Variants in ANKRD11 observed in about 807,000 individuals in gnomAD.
ANKRD11 encodes ankyrin repeat domain 11.
In ANKRD11, 17 loss-of-function variants were observed where a neutral mutation model predicts 195.7. The ratio of observed to expected loss-of-function variants is 0.09; its 90% CI spans 0.06 to 0.13. The LOEUF (loss-of-function observed/expected upper bound fraction) is 0.13. ANKRD11 is among the 10% of genes least tolerant of loss of function. ANKRD11 has a pLI of 1.00. For missense variants in ANKRD11, 3,735 were observed against 3,566.1 expected (o/e 1.05, Z -1.21); for synonymous variants, 1,953 against 1,528.1 (o/e 1.28, Z -6.49).
intron 1 of ANKRD11, among the ~76,000 whole-genome samples, chr16:89,468,056 G>A (rs555961400): frequency 6.6e-6 from 1 of 152,066 alleles, no homozygotes; most frequent in African/African-American, 2.4e-5. Flanking sequence ...TGCCCACCTC[G>A]GCCTCCCAAA....
intron 2 of ANKRD11, among the ~76,000 whole-genome samples, chr16:89,377,303 A>G (rs1044967432): frequency 1.3e-5 from 2 of 152,158 alleles, no homozygotes; most frequent in African/African-American, 4.8e-5. Context: ...AGTGTCTGGA[A>G]GATGACACCA....
At chr16:89,346,079 T>G (rs570895556) in intron 2 of ANKRD11, among the ~76,000 whole-genome samples, 2 of 149,872 alleles carry the variant, frequency 1.3e-5, no homozygotes, top group Admixed American at 6.6e-5. Flanking sequence ...CTGTCTCCAC[T>G]AACAACACAA....
At chr16:89,349,861 AACACAC>A (rs34592614) in intron 2 of ANKRD11, among the ~76,000 whole-genome samples, 8,491 of 133,088 alleles carry the variant, frequency 0.064, 254 homozygotes, top group Non-Finnish European at 0.073. Flanking sequence ...TACTTGTTAA[AACACAC>A]ACACACACAC....
Position 89,338,037 on chromosome 16 carries a change from C to A in ANKRD11, c.-59-20959G>T, listed in dbSNP as rs1429882717. 2.6e-5 allele frequency among the ~76,000 whole-genome samples: 4 copies of A among 152,182 alleles called. No homozygotes were observed. In the South Asian group the frequency reaches 6.2e-4, roughly 24 times the overall value. ...TCAGCTGGTGCCAGTATCATGGTGA[C>A]TCCCTACACACCAGGACCACTGTGT... On this transcript the variant is annotated intron_variant, in intron 2 of 12. Coordinates refer to ENST00000301030, the MANE Select transcript of ANKRD11 (RefSeq NM_013275.6).
chr16:89,368,571 T>C (rs1388086433), intron 2 of ANKRD11, among the ~76,000 whole-genome samples: 3 of 148,816 alleles, frequency 2.0e-5, no homozygotes, highest in Non-Finnish European at 4.4e-5. Flanking sequence ...AATTTCTTGC[T>C]CTAAGGGAAA....
intron 2 of ANKRD11, among the ~76,000 whole-genome samples, chr16:89,377,210 T>A (rs542526460): frequency 5.9e-5 from 9 of 151,932 alleles, no homozygotes; most frequent in African/African-American, 1.9e-4. Flanking sequence ...TAGATCGGGG[T>A]CATAGGACCT....
rs1024814809 is a variant in ANKRD11, at chr16:89,291,594, G to A, written c.227-411C>T. 6.1e-5 allele frequency: 64 copies of A among 1,056,502 alleles called. 1 individual carries two copies. The highest frequency in any genetic ancestry group is 1.7e-4 in the East Asian group (3 of 17,536). 65.4% of individuals were successfully genotyped at this position (1,056,502 alleles called of 1,614,324 possible). A position where few individuals can be genotyped will look rare whatever the true frequency, so the allele number is the denominator to read the frequency against. Reference sequence around the variant, plus strand: ...TCTGTAATTCAATTCCACCTTCCCCGTCCCTCCTCCAAACAGTGCAGATAT... The same window carrying A: ...TCTGTAATTCAATTCCACCTTCCCCATCCCTCCTCCAAACAGTGCAGATAT... On this transcript the variant is annotated intron_variant, in intron 4 of 12. Coordinates refer to ENST00000301030, the MANE Select transcript of ANKRD11 (RefSeq NM_013275.6). The surrounding 1 kb of genome is among the most constrained non-coding windows in gnomAD (Gnocchi z 5.3).
At chr16:89,379,229 T>C (rs1233308470) in intron 2 of ANKRD11, among the ~76,000 whole-genome samples, 3 of 152,260 alleles carry the variant, frequency 2.0e-5, no homozygotes, top group Non-Finnish European at 4.4e-5. Context: ...CGTCTGTATG[T>C]GCGTCACAGG....
chr16:89,377,109 G>A (rs1159478656), intron 2 of ANKRD11, among the ~76,000 whole-genome samples: 1 of 152,196 alleles, frequency 6.6e-6, no homozygotes, highest in Admixed American at 6.5e-5. Flanking sequence ...AATGAACAAT[G>A]CCCTTGGTCC....
At chr16:89,479,645 T>C (rs2152368918) in intron 1 of ANKRD11, among the ~76,000 whole-genome samples, 1 of 134,584 alleles carries the variant, frequency 7.4e-6, no homozygotes, top group East Asian at 2.3e-4. Context: ...CAAAAAAAAT[T>C]AAATTAAATT....
At chr16:89,487,153 A>G (rs1334354167) in intron 1 of ANKRD11, among the ~76,000 whole-genome samples, 5 of 152,254 alleles carry the variant, frequency 3.3e-5, no homozygotes, top group Non-Finnish European at 5.9e-5. Flanking sequence ...ATTCCCACAG[A>G]GCACTGACTA....
intron 2 of ANKRD11, among the ~76,000 whole-genome samples, chr16:89,402,169 G>C (rs2041720074): frequency 6.6e-6 from 1 of 152,168 alleles, no homozygotes; most frequent in Non-Finnish European, 1.5e-5. Flanking sequence ...AGAGTAAGGA[G>C]GACGACCTAC....
intron 1 of ANKRD11, among the ~76,000 whole-genome samples, chr16:89,458,579 G>A (rs1480849500): frequency 2.6e-5 from 4 of 152,124 alleles, no homozygotes; most frequent in Non-Finnish European, 4.4e-5. Flanking sequence ...ACTTTGCCAC[G>A]CTTTCACTCA....
chr16:89,371,656 C>G (rs1390410780), intron 2 of ANKRD11, among the ~76,000 whole-genome samples: 2 of 152,080 alleles, frequency 1.3e-5, no homozygotes. Context: ...GTGTGGAGGG[C>G]GATGCAGACT....
At chr16:89,418,438 C>A in intron 1 of ANKRD11, 70 bp from the exon 2 acceptor site, 1 of 407,634 alleles carries the variant, frequency 2.5e-6, no homozygotes, top group Non-Finnish European at 5.1e-6. Context: ...TCGCTCTCGT[C>A]TCCCTCCATT....
At position 89,302,235 on chromosome 16, in the gene ANKRD11, C is replaced by A. The variant is rs1415904973; in HGVS notation, c.226+2971G>T. Among the ~76,000 whole-genome samples the A allele has an allele frequency of 4.6e-5, 7 of 152,296 alleles. No individual in the cohort carries two copies. In the East Asian group the frequency reaches 1.4e-3, roughly 29 times the overall value. ...CCTCCCGGCCCAGGGTGGGGCTGAA[C>A]GCACTGGAGTTGGACTCGCTACTAT... On this transcript the variant is annotated intron_variant, in intron 4 of 12. Transcript: ENST00000301030.
At chr16:89,339,175 C>A (rs552726662) in intron 2 of ANKRD11, among the ~76,000 whole-genome samples, 1 of 152,364 alleles carries the variant, frequency 6.6e-6, no homozygotes, top group East Asian at 1.9e-4. Flanking sequence ...CTAGAAACTT[C>A]TTCCTGTGAT....
chr16:89,296,079 C>A (rs2035419208), intron 4 of ANKRD11, among the ~76,000 whole-genome samples: 1 of 148,140 alleles, frequency 6.8e-6, no homozygotes, highest in Non-Finnish European at 1.5e-5. Context: ...GCCTCCACCT[C>A]CCAGGCTCAA....
At chr16:89,310,240 CGCCTGTATGTGGCATGCAGGGTCT>C (rs1325863588) in intron 3 of ANKRD11, among the ~76,000 whole-genome samples, 1 of 152,114 alleles carries the variant, frequency 6.6e-6, no homozygotes, top group Non-Finnish European at 1.5e-5. Flanking sequence ...GTGCGGGGTC[CGCCTGTATGTGGCATGCAGGGTCT>C]GCCTGTGAGC....
Sources: gnomAD v4.1 joint callset for allele counts (sites outside exome capture counted in the v4.1 genomes callset) on GRCh38, gnomAD v4.1.1 for gene constraint, Gnocchi (gnomAD v3.1) non-coding constraint, MANE v1.5 for transcripts, NCBI Gene and HGNC (gene_info 2026-07-23, HGNC 2026-07-21) for gene names.